Variants in CADPS observed in about 807,000 individuals in gnomAD.
The protein encoded by CADPS is calcium dependent secretion activator.
In CADPS, 57 loss-of-function variants were observed where a neutral mutation model predicts 167.3. The observed-to-expected ratio is 0.34, with a 90% CI of 0.28 to 0.42. The LOEUF is 0.42. Among genes scored for constraint, CADPS ranks in the 20% least tolerant of loss-of-function variants. The pLI, the probability that CADPS is intolerant of heterozygous loss-of-function variation, is 1.00. For missense variants in CADPS, 1,414 were observed against 1,738.1 expected, an observed-to-expected ratio of 0.81 and a Z score of 3.32; for synonymous variants, 676 against 635.3, an observed-to-expected ratio of 1.06 and a Z score of -0.96.
intron 6 of CADPS, among the ~76,000 whole-genome samples, chr3:62,630,655 T>G (rs2065102748): frequency 6.6e-6 from 1 of 152,184 alleles, no homozygotes. Context: ...ATGCAGTTTC[T>G]TTTTAAAGTA....
At chr3:62,788,228 A>T (rs892002097) in intron 1 of CADPS, among the ~76,000 whole-genome samples, 1 of 152,194 alleles carries the variant, frequency 6.6e-6, no homozygotes. Flanking sequence ...TACAAAGTGC[A>T]TGAATGAAAA....
intron 10 of CADPS, among the ~76,000 whole-genome samples, chr3:62,556,737 G>A (rs1370252978): frequency 1.3e-5 from 2 of 151,912 alleles, no homozygotes; most frequent in Admixed American, 1.3e-4. Flanking sequence ...GGGGCAGGAT[G>A]TAGAACTTAT....
chr3:62,817,926 G>A (rs1335045642), intron 1 of CADPS, among the ~76,000 whole-genome samples: 1 of 152,058 alleles, frequency 6.6e-6, no homozygotes, highest in African/African-American at 2.4e-5. Flanking sequence ...AACAGGATGT[G>A]GTTTAGGATG....
intron 3 of CADPS, among the ~76,000 whole-genome samples, chr3:62,746,394 G>T (rs559967065): frequency 1.3e-5 from 2 of 152,230 alleles, no homozygotes; most frequent in African/African-American, 4.8e-5. Flanking sequence ...TGCAGTGGTG[G>T]GTGTTTTCAT....
chr3:62,798,988 G>A (rs1435699173), intron 1 of CADPS, among the ~76,000 whole-genome samples: 1 of 152,136 alleles, frequency 6.6e-6, no homozygotes, highest in Non-Finnish European at 1.5e-5. Context: ...ATGAACTTCA[G>A]CAGCCATTCC....
intron 6 of CADPS, among the ~76,000 whole-genome samples, chr3:62,622,665 A>G (rs1295087078): frequency 2.6e-5 from 4 of 152,118 alleles, no homozygotes; most frequent in Non-Finnish European, 5.9e-5. Flanking sequence ...CTGCATGGGT[A>G]CACTGGTCCA....
chr3:62,592,589 T>G, intron 7 of CADPS, 48 bp downstream of exon 7: 6 of 1,424,730 alleles, frequency 4.2e-6, no homozygotes, highest in Non-Finnish European at 5.9e-6. Context: ...GAGACCTAGC[T>G]GGGGAAATCC....
intron 13 of CADPS, among the ~76,000 whole-genome samples, chr3:62,523,747 C>A (rs1307093958): frequency 6.6e-6 from 1 of 152,218 alleles, no homozygotes; most frequent in Non-Finnish European, 1.5e-5. Context: ...AGCTTTCAGG[C>A]TCCAGTCACT....
intron 8 of CADPS, among the ~76,000 whole-genome samples, chr3:62,578,694 C>T (rs112932842): frequency 0.022 from 3,251 of 150,586 alleles, 69 homozygotes; most frequent in South Asian, 0.055. Context: ...TGAAGCAAAA[C>T]CAGACAGAAC....
chr3:62,776,241 A>G (rs984233910), intron 1 of CADPS, among the ~76,000 whole-genome samples: 2 of 152,188 alleles, frequency 1.3e-5, no homozygotes, highest in Admixed American at 1.3e-4. Context: ...AGAATATAAT[A>G]GGCAGAGAAC....
intron 29 of CADPS, among the ~76,000 whole-genome samples, chr3:62,401,732 A>ATTTTTT: frequency 6.9e-6 from 1 of 145,502 alleles, no homozygotes; most frequent in Non-Finnish European, 1.5e-5. Flanking sequence ...CTCATACCAC[A>ATTTTTT]TTTTTTTTTT....
intron 1 of CADPS, among the ~76,000 whole-genome samples, chr3:62,870,847 G>T (rs548658887): frequency 1.3e-5 from 2 of 152,054 alleles, no homozygotes; most frequent in East Asian, 1.9e-4. Flanking sequence ...ACCCATCACC[G>T]TTACTACATA....
chr3:62,491,509 G>T, intron 20 of CADPS, 29 bp from the exon 21 acceptor site: 1 of 1,599,906 alleles, frequency 6.3e-7, no homozygotes, highest in South Asian at 1.1e-5. Flanking sequence ...AGCTTGTTAA[G>T]AACCCACAGC....
At chr3:62,698,253 A>C (rs2080712333) in intron 3 of CADPS, among the ~76,000 whole-genome samples, 1 of 152,130 alleles carries the variant, frequency 6.6e-6, no homozygotes, top group African/African-American at 2.4e-5. Context: ...TGTTTCATGA[A>C]TGAGAAAAGA....
At chr3:62,597,901 TTC>T (rs1362544851) in intron 6 of CADPS, among the ~76,000 whole-genome samples, 1 of 151,946 alleles carries the variant, frequency 6.6e-6, no homozygotes, top group African/African-American at 2.4e-5. Context: ...AAAAGAGAAG[TTC>T]TCTCATCTAA....
At chr3:62,467,012 A>G (rs1353296220) in intron 24 of CADPS, among the ~76,000 whole-genome samples, 1 of 152,176 alleles carries the variant, frequency 6.6e-6, no homozygotes, top group Non-Finnish European at 1.5e-5. Flanking sequence ...ATGGATAAAC[A>G]GACCCAGTAT....
chr3:62,425,528 C>G (rs150185143), intron 28 of CADPS, among the ~76,000 whole-genome samples: 1 of 152,156 alleles, frequency 6.6e-6, no homozygotes, highest in African/African-American at 2.4e-5. Context: ...GGAATGAGTA[C>G]ATTTTTAAAA....
chr3:62,478,700 T>G lies in CADPS; in HGVS notation c.3174-284A>C, dbSNP rs1449715589. ...GAATGGTGTATGGTAAAAATCAGCC[T>G]TCTTTTAATAACCACATTAACACAT... On this transcript the variant is annotated intron_variant, in intron 22 of 29. Coordinates refer to ENST00000383710, the MANE Select transcript of CADPS (RefSeq NM_003716.4). The surrounding 1 kb of genome is among the most constrained non-coding windows in gnomAD (Gnocchi z 5.7). Among the ~76,000 whole-genome samples the G allele has an allele frequency of 6.6e-6, 1 of 152,208 alleles. No individual in the cohort carries two copies. The highest frequency in any genetic ancestry group is 1.9e-4 in the East Asian group (1 of 5,188).
intron 13 of CADPS, among the ~76,000 whole-genome samples, chr3:62,519,658 T>G (rs1192027658): frequency 6.6e-6 from 1 of 152,168 alleles, no homozygotes; most frequent in Non-Finnish European, 1.5e-5. Flanking sequence ...CTTGTTCTGT[T>G]GTCCAGGCTG....
Sources: gnomAD v4.1 joint callset for allele counts (sites outside exome capture counted in the v4.1 genomes callset) on GRCh38, gnomAD v4.1.1 for gene constraint, Gnocchi (gnomAD v3.1) non-coding constraint, MANE v1.5 for transcripts, NCBI Gene and HGNC (gene_info 2026-07-23, HGNC 2026-07-21) for gene names.